The following MATCAP2 variants were observed in gnomAD, a reference collection of about 807,000 sequenced individuals.
MATCAP2 encodes putative tyrosine carboxypeptidase MATCAP2.
the MATCAP2 span, among the ~76,000 whole-genome samples, chr7:36,384,104 T>G: frequency 6.6e-6 from 1 of 152,158 alleles, no homozygotes; most frequent in African/African-American, 2.4e-5. Flanking sequence ...TATACAGCAT[T>G]TGGAGGGTCT....
At chr7:36,375,671 T>C in the MATCAP2 span, among the ~76,000 whole-genome samples, 3 of 152,330 alleles carry the variant, frequency 2.0e-5, no homozygotes, top group South Asian at 6.2e-4. Context: ...TGGTACCAGC[T>C]CCTCTTTGTA....
chr7:36,362,647 C>T, the MATCAP2 span, among the ~76,000 whole-genome samples: 1 of 152,238 alleles, frequency 6.6e-6, no homozygotes, highest in Non-Finnish European at 1.5e-5. Flanking sequence ...TCTGCAGCCT[C>T]ACCTCACACT....
chr7:36,364,617 T>C, the MATCAP2 span, among the ~76,000 whole-genome samples: 52 of 152,106 alleles, frequency 3.4e-4, no homozygotes, highest in Non-Finnish European at 2.9e-5. Context: ...CACATTTCCA[T>C]CAGTACTCTT....
At chr7:36,368,375 A>G in the MATCAP2 span, 2 of 152,228 alleles carry the variant, frequency 1.3e-5, no homozygotes, top group Non-Finnish European at 2.9e-5. Context: ...AACTTGTGAG[A>G]AATTGTGTCT....
the MATCAP2 span, among the ~76,000 whole-genome samples, chr7:36,372,997 CG>C: frequency 6.6e-6 from 1 of 150,782 alleles, no homozygotes; most frequent in East Asian, 2.0e-4. Context: ...CCCAGCTACT[CG>C]GGAGGCTGAG....
At chr7:36,335,465 G>A in the MATCAP2 span, among the ~76,000 whole-genome samples, 18 of 152,262 alleles carry the variant, frequency 1.2e-4, no homozygotes, top group African/African-American at 4.1e-4. Context: ...TCGTAAATAC[G>A]CTCCCTGACT....
chr7:36,372,703 TACTC>T, the MATCAP2 span, among the ~76,000 whole-genome samples: 1 of 152,186 alleles, frequency 6.6e-6, no homozygotes, highest in Non-Finnish European at 1.5e-5. Flanking sequence ...TGCATTAACT[TACTC>T]CTTCCACAGA....
the MATCAP2 span, among the ~76,000 whole-genome samples, chr7:36,362,796 A>C: frequency 6.6e-6 from 1 of 152,142 alleles, no homozygotes; most frequent in African/African-American, 2.4e-5. Context: ...TGTTAGATTA[A>C]TATCCACTCA....
the MATCAP2 span, among the ~76,000 whole-genome samples, chr7:36,369,896 T>G: frequency 1.3e-5 from 2 of 152,224 alleles, no homozygotes; most frequent in Admixed American, 1.3e-4. Context: ...GTAGTTAGCC[T>G]ACCTGGAATA....
the MATCAP2 span, chr7:36,334,165 T>C: frequency 3.2e-6 from 5 of 1,581,828 alleles, no homozygotes; most frequent in South Asian, 1.1e-5. Context: ...TGTGTACCTA[T>C]GGAGAAGAAA....
At chr7:36,379,845 C>CAGAG in the MATCAP2 span, among the ~76,000 whole-genome samples, 12 of 125,418 alleles carry the variant, frequency 9.6e-5, no homozygotes, top group African/African-American at 3.5e-4. Flanking sequence ...CACACACACA[C>CAGAG]ACAGAGAGAG....
the MATCAP2 span, among the ~76,000 whole-genome samples, chr7:36,379,847 C>CAGAGAGAGAGAG: frequency 1.1e-3 from 114 of 107,680 alleles, 3 homozygotes; most frequent in East Asian, 0.019. Context: ...CACACACACA[C>CAGAGAGAGAGAG]AGAGAGAGAG....
the MATCAP2 span, among the ~76,000 whole-genome samples, chr7:36,383,492 G>C: frequency 6.6e-6 from 1 of 152,154 alleles, no homozygotes; most frequent in African/African-American, 2.4e-5. Flanking sequence ...CATAAAAAAG[G>C]ATGAGTTCGT....
At chr7:36,326,864 T>C in the MATCAP2 span, 1 of 1,614,116 alleles carries the variant, frequency 6.2e-7, no homozygotes, top group Non-Finnish European at 8.5e-7. Flanking sequence ...TGAGGGACCC[T>C]CATGTTTTCG....
At chr7:36,347,124 T>A in the MATCAP2 span, among the ~76,000 whole-genome samples, 12 of 152,292 alleles carry the variant, frequency 7.9e-5, no homozygotes, top group Non-Finnish European at 1.5e-4. Flanking sequence ...TACTTTAGTA[T>A]GACATGTGAA....
the MATCAP2 span, chr7:36,383,860 T>TGAGGTA: frequency 2.5e-6 from 4 of 1,597,108 alleles, no homozygotes; most frequent in Admixed American, 6.9e-5. Context: ...CCAAATAACC[T>TGAGGTA]GAGGTAGAGA....
At chr7:36,337,321 C>T in the MATCAP2 span, among the ~76,000 whole-genome samples, 1 of 151,862 alleles carries the variant, frequency 6.6e-6, no homozygotes, top group African/African-American at 2.4e-5. Context: ...AATTAACACA[C>T]ATATGCAGAA....
At chr7:36,373,555 A>G in the MATCAP2 span, among the ~76,000 whole-genome samples, 1 of 152,162 alleles carries the variant, frequency 6.6e-6, no homozygotes, top group African/African-American at 2.4e-5. Context: ...GAAAGCGGGT[A>G]GGAAAAGAGA....
At chr7:36,358,690 G>A in the MATCAP2 span, among the ~76,000 whole-genome samples, 2 of 151,956 alleles carry the variant, frequency 1.3e-5, no homozygotes, top group Non-Finnish European at 2.9e-5. Context: ...CAACAAATAC[G>A]TAGAATGCTA....
Sources: gnomAD v4.1 joint callset for allele counts (sites outside exome capture counted in the v4.1 genomes callset) on GRCh38, gnomAD v4.1.1 for gene constraint, MANE v1.5 for transcripts, NCBI Gene and HGNC (gene_info 2026-07-23, HGNC 2026-07-21) for gene names.